MAP1B: variants seen among roughly 807,000 people sequenced by gnomAD.
MAP1B encodes microtubule associated protein 1B, also known as microtubule-associated protein 1B.
In MAP1B, 12 loss-of-function variants were observed where a neutral mutation model predicts 176.1. The ratio of observed to expected loss-of-function variants is 0.07; its 90% confidence interval spans 0.04 to 0.11. The LOEUF (loss-of-function observed/expected upper bound fraction) is 0.11. MAP1B is among the 10% of genes least tolerant of loss of function. MAP1B has a pLI of 1.00. For missense variants in MAP1B, 2,523 were observed against 2,990.5 expected (o/e 0.84, Z 3.65); for synonymous variants, 1,044 against 1,135.0 (o/e 0.92, Z 1.61).
intron 2 of MAP1B, among the ~76,000 whole-genome samples, chr5:72,183,459 G>A (rs1746822535): frequency 1.3e-5 from 2 of 152,198 alleles, no homozygotes; most frequent in Admixed American, 1.3e-4. Context: ...GATGAAAACC[G>A]CCATTACCGC....
Position 72,199,067 on chromosome 5 carries a change from T to C in MAP1B, c.5712T>C (p.Tyr1904=). 1 of 1,614,092 alleles carries C rather than the reference T, an allele frequency of 6.2e-7. No individual in the cohort carries two copies. Residue 1904 remains tyrosine, a synonymous_variant, in exon 5 of 7, where the codon TAT becomes TAC. Transcript: ENST00000296755. The surrounding 1 kb of genome is among the most constrained non-coding windows in gnomAD (Gnocchi z 4.2). ...CCCGGACCTCAGATGTGGGTGGCTA[T>C]TACTATGAGAAGATAGAGAGAACCA... ...KTTRTSDVGG[Y]YYEKIERTTK... is the part of the protein sequence containing the mutation.
intron 2 of MAP1B, among the ~76,000 whole-genome samples, chr5:72,164,905 G>T (rs1746395754): frequency 6.6e-6 from 1 of 152,200 alleles, no homozygotes; most frequent in Non-Finnish European, 1.5e-5. Flanking sequence ...ACCCATGAAT[G>T]AGTATTTTTC....
chr5:72,172,328 C>T (rs1352483693), intron 2 of MAP1B, among the ~76,000 whole-genome samples: 1 of 152,210 alleles, frequency 6.6e-6, no homozygotes, highest in Non-Finnish European at 1.5e-5. Context: ...TCAACTCATA[C>T]TATTTCTCCC....
At chr5:72,146,051 TA>T (rs1746040209) in intron 2 of MAP1B, among the ~76,000 whole-genome samples, 1 of 152,356 alleles carries the variant, frequency 6.6e-6, no homozygotes, top group African/African-American at 2.4e-5. Flanking sequence ...AATTTTAATT[TA>T]CACTCTTTTT....
chr5:72,129,185 T>G (rs1227225696), intron 2 of MAP1B, among the ~76,000 whole-genome samples: 2 of 152,188 alleles, frequency 1.3e-5, no homozygotes, highest in African/African-American at 4.8e-5. Context: ...TGTAATTGTA[T>G]GTGTGTGTGT....
Position 72,186,737 on chromosome 5 carries a change from A to C in MAP1B, c.493A>C (p.Ile165Leu). 6.2e-7 allele frequency: 1 copy of C among 1,613,992 alleles called. No individual in the cohort carries two copies. Residue 165 changes from isoleucine (I) to leucine (L), a missense_variant, in exon 4 of 7, where the codon ATT (isoleucine) becomes CTT (leucine). Around this residue, in one of 4 missense-constraint regions of MAP1B, gnomAD observed 307 missense variants for 438.4 expected, o/e 0.70. Transcript: ENST00000296755. The surrounding 1 kb of genome is among the most constrained non-coding windows in gnomAD (Gnocchi z 4.3). ...TTTCTCCTTCCAGAACTTCATAGAG[A>C]TTTTCACCGATCAAGAGGTAGGTTC... ...GSFSFQNFIE[I>L]FTDQEIGELL... is the part of the protein sequence containing the mutation.
intron 2 of MAP1B, among the ~76,000 whole-genome samples, chr5:72,131,065 AAGACAC>A (rs1184600008): frequency 2.0e-5 from 3 of 152,182 alleles, no homozygotes; most frequent in Non-Finnish European, 4.4e-5. Flanking sequence ...TAAGCAAATG[AAGACAC>A]AGTCCCTATA....
chr5:72,187,196 T>G (rs1239593153), intron 4 of MAP1B, among the ~76,000 whole-genome samples: 1 of 152,200 alleles, frequency 6.6e-6, no homozygotes, highest in Non-Finnish European at 1.5e-5. Context: ...TTGGGCTGTT[T>G]GAACAGCCCA....
In MAP1B at chr5:72,194,545, C is replaced by T. The variant is rs1448599660; in HGVS notation, c.1190C>T (p.Pro397Leu). ...YLNKLSMKPE[P>L]LFRSVGNTID... is the part of the protein sequence containing the mutation. ...AACAAATTGTCCATGAAACCAGAAC[C>T]TCTGTTTAGAAGTGTAGGCAATACT... is the stretch of plus-strand genomic sequence containing the variant. Residue 397 changes from proline (P) to leucine (L), a missense_variant, in exon 5 of 7, where the codon CCT (proline) becomes CTT (leucine). Physicochemically the swap from Pro to Leu is moderately conservative, Grantham distance 98. Coordinates refer to ENST00000296755, the MANE Select transcript of MAP1B (RefSeq NM_005909.5). The surrounding 1 kb of genome is among the most constrained non-coding windows in gnomAD (Gnocchi z 7.2). 8.1e-6 allele frequency: 13 copies of T among 1,613,942 alleles called. No homozygotes were observed. The highest frequency in any genetic ancestry group is 1.0e-5 in the Non-Finnish European group (12 of 1,180,038).
At chr5:72,123,177 T>C (rs1745562206) in intron 2 of MAP1B, among the ~76,000 whole-genome samples, 1 of 152,224 alleles carries the variant, frequency 6.6e-6, no homozygotes. Flanking sequence ...AAAGCAACTG[T>C]AAGGGAATAT....
chr5:72,155,774 T>G (rs890560932), intron 2 of MAP1B, among the ~76,000 whole-genome samples: 1 of 149,936 alleles, frequency 6.7e-6, no homozygotes, highest in Non-Finnish European at 1.5e-5. Flanking sequence ...TTCTTTTTTT[T>G]TTTTTTTTTT....
chr5:72,124,777 G>C (rs908776538), intron 2 of MAP1B, among the ~76,000 whole-genome samples: 1 of 152,186 alleles, frequency 6.6e-6, no homozygotes, highest in African/African-American at 2.4e-5. Flanking sequence ...CTCAAATTCA[G>C]ATTTCTTGTT....
intron 2 of MAP1B, among the ~76,000 whole-genome samples, chr5:72,180,827 T>C (rs1268457078): frequency 6.6e-6 from 1 of 152,218 alleles, no homozygotes; most frequent in Non-Finnish European, 1.5e-5. Flanking sequence ...AGCTCATCTC[T>C]GATTTTATTT....
chr5:72,173,580 A>G (rs941638257), intron 2 of MAP1B, among the ~76,000 whole-genome samples: 2 of 152,250 alleles, frequency 1.3e-5, no homozygotes, highest in Non-Finnish European at 2.9e-5. Flanking sequence ...AATAGCTGAT[A>G]TCGGTAATCT....
rs957496226 is a variant in MAP1B, at chr5:72,204,627, A to G, written c.7252-457A>G. 5.9e-5 allele frequency among the ~76,000 whole-genome samples: 9 copies of G among 152,304 alleles called. No individual in the cohort carries two copies. The highest frequency in any genetic ancestry group is 2.2e-4 in the African/African-American group (9 of 41,576). Reference sequence around the variant, plus strand: ...CCACCCCATACCTCCATCCCCAACCACACACATAAAGTAAAGGTGCAGATC... The same window carrying G: ...CCACCCCATACCTCCATCCCCAACCGCACACATAAAGTAAAGGTGCAGATC... On this transcript the variant is annotated intron_variant, in intron 6 of 6. Coordinates refer to ENST00000296755, the MANE Select transcript of MAP1B (RefSeq NM_005909.5). The surrounding 1 kb of genome is among the most constrained non-coding windows in gnomAD (Gnocchi z 4.4).
At chr5:72,117,495 T>C (rs925221255) in intron 2 of MAP1B, among the ~76,000 whole-genome samples, 5 of 152,328 alleles carry the variant, frequency 3.3e-5, no homozygotes, top group African/African-American at 1.2e-4. Context: ...CAACTGCATA[T>C]TGCATAATGA....
chr5:72,186,483 A>C lies in MAP1B; in HGVS notation c.370-131A>C. On this transcript the variant is annotated intron_variant, in intron 3 of 6. Coordinates refer to ENST00000296755, the MANE Select transcript of MAP1B (RefSeq NM_005909.5). The surrounding 1 kb of genome is among the most constrained non-coding windows in gnomAD (Gnocchi z 4.3). The stretch of plus-strand genomic sequence containing the variant: ...CGTGCTCTTCTGGCCTCCAGGAGAA[A>C]TTAGACCTTTGGGGAATGAATGCTT... The C allele has an allele frequency of 8.7e-7, 1 of 1,148,378 alleles. No individual in the cohort carries two copies. 71.1% of individuals were successfully genotyped at this position (1,148,378 alleles called of 1,614,324 possible). A position where few individuals can be genotyped will look rare whatever the true frequency, so the allele number is the denominator to read the frequency against.
chr5:72,175,883 ATGT>A (rs1236776818), intron 2 of MAP1B, among the ~76,000 whole-genome samples: 1 of 152,248 alleles, frequency 6.6e-6, no homozygotes, highest in East Asian at 1.9e-4. Flanking sequence ...AGGTAAAAAA[ATGT>A]TGTCTAACTC....
intron 1 of MAP1B, among the ~76,000 whole-genome samples, chr5:72,108,622 G>C (rs998266141): frequency 6.6e-6 from 1 of 152,142 alleles, no homozygotes; most frequent in African/African-American, 2.4e-5. Flanking sequence ...CGGGCGCACA[G>C]AGAGACCGCC....
Sources: gnomAD v4.1 joint callset for allele counts (sites outside exome capture counted in the v4.1 genomes callset) on GRCh38, gnomAD v4.1.1 for gene constraint, gnomAD v4.1.1 regional missense constraint, Gnocchi (gnomAD v3.1) non-coding constraint, MANE v1.5 for transcripts, NCBI Gene and HGNC (gene_info 2026-07-23, HGNC 2026-07-21) for gene names.